The following CSMD1 variants were observed in gnomAD, a reference collection of about 807,000 sequenced individuals.
CSMD1 encodes the protein CUB and Sushi multiple domains 1, also known as CUB and sushi domain-containing protein 1.
In CSMD1, 213 loss-of-function variants were observed where a neutral mutation model predicts 417.5. The ratio of observed to expected loss-of-function variants is 0.51; its 90% CI spans 0.46 to 0.57. The LOEUF (loss-of-function observed/expected upper bound fraction) is 0.57, where lower values mean the gene tolerates loss of function less well. CSMD1 is among the 20% of genes least tolerant of loss of function. The pLI is 0.00. For missense variants in CSMD1, 6,923 were observed against 4,529.7 expected, an observed-to-expected ratio of 1.53 and a Z score of -15.17; for synonymous variants, 2,862 against 1,736.8, an observed-to-expected ratio of 1.65 and a Z score of -16.11.
chr8:3,591,120 G>C (rs1210129009), intron 8 of CSMD1, among the ~76,000 whole-genome samples: 2 of 152,128 alleles, frequency 1.3e-5, no homozygotes, highest in Non-Finnish European at 2.9e-5. Context: ...ATTGTTAGTA[G>C]TTAGTAACTG....
chr8:3,162,331 T>C (rs1406027797), intron 37 of CSMD1, 54 bp from the exon 38 acceptor site: 8 of 1,190,490 alleles, frequency 6.7e-6, no homozygotes, highest in Non-Finnish European at 8.6e-6. Context: ...AATATTCTTA[T>C]CATTTGAATA....
intron 1 of CSMD1, among the ~76,000 whole-genome samples, chr8:4,986,502 A>G (rs1283165836): frequency 6.6e-6 from 1 of 152,238 alleles, no homozygotes; most frequent in Non-Finnish European, 1.5e-5. Context: ...TTTTTCATTC[A>G]TCAGAGATCA....
At chr8:3,130,918 A>G (rs1817760521) in intron 41 of CSMD1, among the ~76,000 whole-genome samples, 1 of 152,218 alleles carries the variant, frequency 6.6e-6, no homozygotes, top group African/African-American at 2.4e-5. Flanking sequence ...TGTTTCTGTA[A>G]CAGTCCATAT....
chr8:3,793,008 C>T (rs1392219870), intron 5 of CSMD1, among the ~76,000 whole-genome samples: 2 of 152,132 alleles, frequency 1.3e-5, no homozygotes, highest in Non-Finnish European at 2.9e-5. Context: ...TGTGAATTTC[C>T]TCACTCTGCT....
At chr8:3,738,526 G>C (rs923964657) in intron 6 of CSMD1, among the ~76,000 whole-genome samples, 1 of 152,148 alleles carries the variant, frequency 6.6e-6, no homozygotes, top group African/African-American at 2.4e-5. Context: ...TGCAAATACT[G>C]GTCCTGCCGC....
At chr8:4,711,020 C>T (rs1237896077) in intron 1 of CSMD1, among the ~76,000 whole-genome samples, 3 of 151,902 alleles carry the variant, frequency 2.0e-5, no homozygotes, top group African/African-American at 7.3e-5. Flanking sequence ...TGTGCCCAGG[C>T]CTTTTCTAGT....
At chr8:4,210,625 C>A (rs1299606886) in intron 3 of CSMD1, among the ~76,000 whole-genome samples, 1 of 151,998 alleles carries the variant, frequency 6.6e-6, no homozygotes, top group Non-Finnish European at 1.5e-5. Flanking sequence ...TAAATAATAT[C>A]TCATTAATTA....
chr8:3,229,724 T>C (rs1798721471), intron 27 of CSMD1, among the ~76,000 whole-genome samples: 1 of 152,180 alleles, frequency 6.6e-6, no homozygotes, highest in Non-Finnish European at 1.5e-5. Flanking sequence ...CAATGGTAGG[T>C]TTATAAATTT....
At chr8:4,038,420 G>GAC (rs1490354381) in intron 3 of CSMD1, among the ~76,000 whole-genome samples, 1 of 152,116 alleles carries the variant, frequency 6.6e-6, no homozygotes, top group Non-Finnish European at 1.5e-5. Context: ...AAAGATTCAA[G>GAC]ACACACACAG....
At chr8:3,448,655 G>C (rs762972081) in intron 12 of CSMD1, among the ~76,000 whole-genome samples, 1 of 152,070 alleles carries the variant, frequency 6.6e-6, no homozygotes, top group Non-Finnish European at 1.5e-5. Context: ...GGCAGCATGA[G>C]TGGAGGCCAA....
chr8:4,964,739 ACTT>A (rs1809742310), intron 1 of CSMD1, among the ~76,000 whole-genome samples: 1 of 152,022 alleles, frequency 6.6e-6, no homozygotes, highest in Non-Finnish European at 1.5e-5. Flanking sequence ...AAAAATGAAA[ACTT>A]CTTTGTCATT....
intron 1 of CSMD1, among the ~76,000 whole-genome samples, chr8:4,748,447 C>A (rs1469918798): frequency 6.6e-6 from 1 of 152,070 alleles, no homozygotes; most frequent in East Asian, 1.9e-4. Context: ...TATTTATGAC[C>A]CAAGTAAGGG....
chr8:3,500,594 T>C (rs1796559408), intron 10 of CSMD1, among the ~76,000 whole-genome samples: 1 of 152,048 alleles, frequency 6.6e-6, no homozygotes, highest in Admixed American at 6.5e-5. Context: ...AAAGAATCTG[T>C]GGTAGGGAGG....
At chr8:3,974,307 T>C (rs1813275070) in intron 5 of CSMD1, among the ~76,000 whole-genome samples, 2 of 151,626 alleles carry the variant, frequency 1.3e-5, no homozygotes, top group African/African-American at 4.9e-5. Flanking sequence ...TTTTTGATTT[T>C]TTATTCCTTT....
chr8:3,813,835 T>C (rs923049739), intron 5 of CSMD1, among the ~76,000 whole-genome samples: 3 of 152,282 alleles, frequency 2.0e-5, no homozygotes, highest in Admixed American at 6.5e-5. Flanking sequence ...TCTTGAAAGC[T>C]TCGAAGTTTA....
At chr8:4,464,936 T>A (rs1408082167) in intron 2 of CSMD1, among the ~76,000 whole-genome samples, 3 of 152,152 alleles carry the variant, frequency 2.0e-5, no homozygotes, top group Admixed American at 2.0e-4. Flanking sequence ...GAAGCCATAT[T>A]CAAACCAGAT....
chr8:4,066,714 T>C (rs1335491811), intron 3 of CSMD1, among the ~76,000 whole-genome samples: 2 of 152,296 alleles, frequency 1.3e-5, no homozygotes, highest in Non-Finnish European at 1.5e-5. Flanking sequence ...TAGTATATTT[T>C]GTTTGGGACG....
intron 1 of CSMD1, chr8:4,787,484 A>T: frequency 1.1e-6 from 1 of 874,436 alleles, no homozygotes; most frequent in Non-Finnish European, 1.9e-6. Context: ...TGCAATCTCA[A>T]AGAAAATCAC....
chr8:3,984,918 G>A (rs1814203997), intron 5 of CSMD1, among the ~76,000 whole-genome samples: 1 of 151,784 alleles, frequency 6.6e-6, no homozygotes, highest in East Asian at 1.9e-4. Flanking sequence ...AAGCTTCATT[G>A]TAGTTCATTA....
Sources: allele counts gnomAD v4.1 joint callset (sites outside exome capture counted in the v4.1 genomes callset), GRCh38; gene constraint gnomAD v4.1.1; transcripts MANE v1.5; gene names NCBI Gene and HGNC (gene_info 2026-07-23, HGNC 2026-07-21).